Variants in GPR176 observed in about 807,000 individuals in gnomAD.
GPR176 encodes G protein-coupled receptor 176.
Under a neutral mutation model 35.4 loss-of-function variants are expected in GPR176, and 26 were observed. That is an observed-to-expected ratio of 0.74 (90% CI 0.54 to 1.02). The LOEUF is 1.02. Among genes scored for constraint, GPR176 ranks in the 50% least tolerant of loss-of-function variants. GPR176 has a pLI of 0.00. For synonymous variants in GPR176, 278 were observed against 271.3 expected, an observed-to-expected ratio of 1.02 and a Z score of -0.24; for missense variants, 597 against 665.3, an observed-to-expected ratio of 0.90 and a Z score of 1.13.
At chr15:39,820,216 AG>A (rs1900178079) in intron 1 of GPR176, among the ~76,000 whole-genome samples, 1 of 152,176 alleles carries the variant, frequency 6.6e-6, no homozygotes, top group South Asian at 2.1e-4. Context: ...AATAGCAGAT[AG>A]GGCAAGAGCT....
At chr15:39,888,733 TC>T (rs1358467165) in intron 1 of GPR176, among the ~76,000 whole-genome samples, 1 of 152,196 alleles carries the variant, frequency 6.6e-6, no homozygotes, top group Non-Finnish European at 1.5e-5. Context: ...AGTAGCCTCA[TC>T]AATCCCTTTC....
chr15:39,912,883 A>G (rs2033616853), intron 1 of GPR176, among the ~76,000 whole-genome samples: 1 of 152,190 alleles, frequency 6.6e-6, no homozygotes, highest in Admixed American at 6.5e-5. Flanking sequence ...TTACAGAACC[A>G]GGGATATTTG....
intron 1 of GPR176, among the ~76,000 whole-genome samples, chr15:39,856,724 T>C: frequency 6.6e-6 from 1 of 152,244 alleles, no homozygotes; most frequent in East Asian, 1.9e-4. Flanking sequence ...CCTTATTCTA[T>C]TGATTAGAAG....
At chr15:39,903,820 A>G (rs1206231004) in intron 1 of GPR176, among the ~76,000 whole-genome samples, 1 of 152,224 alleles carries the variant, frequency 6.6e-6, no homozygotes, top group Non-Finnish European at 1.5e-5. Context: ...CCAGACCCCA[A>G]GAGAGGATTC....
chr15:39,804,437 A>T (rs1899072351), intron 2 of GPR176, among the ~76,000 whole-genome samples: 1 of 152,244 alleles, frequency 6.6e-6, no homozygotes, highest in African/African-American at 2.4e-5. Flanking sequence ...TTTACTTTTT[A>T]AAATTATGAT....
At position 39,801,155 on chromosome 15, in the gene GPR176, T is replaced by C; in HGVS notation, c.1525A>G (p.Ile509Val). Residue 509 changes from isoleucine to valine, a missense_variant, in exon 3 of 3, where the codon ATT becomes GTT. Around this residue, in one of 3 missense-constraint regions of GPR176, gnomAD observed 251 missense variants for 255.4 expected, o/e 0.98. Transcript: ENST00000561100. ...TGCTAGGAATCCACCTTTGGAAAAA[T>C]GCTCACTTTATTGTTTCTGCTCATC... Reference protein sequence around the residue: ...RKMSRNNKVSIFPKVDS With the variant: ...RKMSRNNKVSVFPKVDS The C allele has an allele frequency of 1.2e-6, 2 of 1,603,492 alleles. No individual in the cohort carries two copies. Among genetic ancestry groups the C allele is most frequent in the Non-Finnish European group, 1.7e-6 (2 of 1,173,260 alleles).
chr15:39,855,024 C>G (rs1027755229), intron 1 of GPR176, among the ~76,000 whole-genome samples: 1 of 149,708 alleles, frequency 6.7e-6, no homozygotes, highest in African/African-American at 2.5e-5. Context: ...GCACTCCAGC[C>G]TGGGTAACAG....
At chr15:39,822,089 G>A (rs1446511549) in intron 1 of GPR176, among the ~76,000 whole-genome samples, 1 of 152,202 alleles carries the variant, frequency 6.6e-6, no homozygotes, top group African/African-American at 2.4e-5. Context: ...AGGAACTGGG[G>A]CCTCCTGCCA....
At chr15:39,842,781 T>C (rs1817064308) in intron 1 of GPR176, among the ~76,000 whole-genome samples, 1 of 152,096 alleles carries the variant, frequency 6.6e-6, no homozygotes. Context: ...ACCTAGTTTA[T>C]GGTATTTTGT....
At chr15:39,853,287 T>C (rs1445060497) in intron 1 of GPR176, among the ~76,000 whole-genome samples, 2 of 152,206 alleles carry the variant, frequency 1.3e-5, no homozygotes, top group Non-Finnish European at 2.9e-5. Context: ...CTTGAGGACA[T>C]TATACCAAGT....
chr15:39,872,239 T>C (rs1328896634), intron 1 of GPR176, among the ~76,000 whole-genome samples: 1 of 152,184 alleles, frequency 6.6e-6, no homozygotes, highest in African/African-American at 2.4e-5. Context: ...AAGTCTGACA[T>C]GGTGGGCCTT....
chr15:39,839,874 A>G (rs1386755782), intron 1 of GPR176, among the ~76,000 whole-genome samples: 1 of 152,242 alleles, frequency 6.6e-6, no homozygotes, highest in East Asian at 1.9e-4. Context: ...AAACATATGA[A>G]AAAAAGCTCA....
At position 39,801,973 on chromosome 15, in the gene GPR176, T is replaced by A. The variant is rs781136586; in HGVS notation, c.707A>T (p.Gln236Leu). 6.2e-7 allele frequency: 1 copy of A among 1,614,090 alleles called. No homozygotes were observed. Among genetic ancestry groups the A allele is most frequent in the Non-Finnish European group, 8.5e-7 (1 of 1,180,022 alleles). Reference sequence around the variant, plus strand: ...CGCTGCTATGATGACCTTCTTCTTCTGGCTGGCACTCAGGGCCCGTCGGAT... The same window carrying A: ...CGCTGCTATGATGACCTTCTTCTTCAGGCTGGCACTCAGGGCCCGTCGGAT... The part of the protein sequence containing the change: ...ILIRRALSAS[Q>L]KKKVIIAALR... The change falls in exon 3 of 3, where the codon CAG becomes CTG. Residue 236 changes from glutamine (Q) to leucine (L), a missense_variant. Around this residue, in one of 3 missense-constraint regions of GPR176, gnomAD observed 220 missense variants for 297.6 expected, o/e 0.74. Transcript: ENST00000561100.
At chr15:39,848,448 C>T (rs1049936655) in intron 1 of GPR176, among the ~76,000 whole-genome samples, 9 of 152,090 alleles carry the variant, frequency 5.9e-5, no homozygotes, top group African/African-American at 1.9e-4. Flanking sequence ...TTCCATAACA[C>T]CATCAACCAA....
chr15:39,808,407 C>A (rs1406767740), intron 1 of GPR176, among the ~76,000 whole-genome samples: 1 of 152,140 alleles, frequency 6.6e-6, no homozygotes, highest in Non-Finnish European at 1.5e-5. Flanking sequence ...GCCTCAGTGC[C>A]TTTGTATACA....
chr15:39,842,287 G>C (rs2030057484), intron 1 of GPR176, among the ~76,000 whole-genome samples: 1 of 152,014 alleles, frequency 6.6e-6, no homozygotes, highest in Admixed American at 6.6e-5. Context: ...GCAAGAGGAA[G>C]AGAGAGTGAA....
Position 39,801,513 on chromosome 15 carries a change from C to A in GPR176, c.1167G>T (p.Glu389Asp), listed in dbSNP as rs760953238. The A allele has an allele frequency of 1.7e-5, 27 of 1,614,120 alleles. No individual in the cohort carries two copies. Among genetic ancestry groups the A allele is most frequent in the Admixed American group, 6.7e-5 (4 of 60,010 alleles). ...CTGAGCCAATGTACTTGGCCTCACT[C>A]TCTTCCTCATCCTCTGTGGGCTTAA... The part of the protein sequence containing the change: ...QIFKPTEDEE[E>D]SEAKYIGSAD... Residue 389 changes from glutamate (E) to aspartate (D), a missense_variant, in exon 3 of 3, where the codon GAG becomes GAT. Physicochemically the swap from Glu to Asp is conservative, Grantham distance 45. Around this residue, in one of 3 missense-constraint regions of GPR176, gnomAD observed 251 missense variants for 255.4 expected, o/e 0.98. Coordinates refer to ENST00000561100, the MANE Select transcript of GPR176 (RefSeq NM_007223.3).
At chr15:39,874,337 T>G (rs2032160979) in intron 1 of GPR176, among the ~76,000 whole-genome samples, 1 of 152,230 alleles carries the variant, frequency 6.6e-6, no homozygotes, top group African/African-American at 2.4e-5. Flanking sequence ...ATGGGAACAG[T>G]CATAAAGCCT....
chr15:39,917,968 C>T (rs111717827), intron 1 of GPR176, among the ~76,000 whole-genome samples: 12,996 of 151,046 alleles, frequency 0.086, 758 homozygotes, highest in Non-Finnish European at 0.13. Flanking sequence ...TCACTTGAAC[C>T]CAGGAGGCAG....
Sources: gnomAD v4.1 joint callset for allele counts (sites outside exome capture counted in the v4.1 genomes callset) on GRCh38, gnomAD v4.1.1 for gene constraint, gnomAD v4.1.1 regional missense constraint, MANE v1.5 for transcripts, NCBI Gene and HGNC (gene_info 2026-07-23, HGNC 2026-07-21) for gene names.